Variants in EPS8L2 observed in about 807,000 individuals in gnomAD.
The protein encoded by EPS8L2 is EPS8 signaling adaptor L2.
A neutral mutation model predicts 99.4 loss-of-function variants in EPS8L2; 81 were observed. The ratio of observed to expected loss-of-function variants is 0.82; its 90% CI spans 0.68 to 0.98. EPS8L2 has a LOEUF of 0.98. Ranked by LOEUF, EPS8L2 falls within the 50% of genes least tolerant of loss-of-function variation. EPS8L2 has a pLI of 0.00. For synonymous variants in EPS8L2, 509 were observed against 407.3 expected, an observed-to-expected ratio of 1.25 and a Z score of -3.01; for missense variants, 1,155 against 968.8, an observed-to-expected ratio of 1.19 and a Z score of -2.55.
chr11:710,612 C>T (rs1160917255), intron 4 of EPS8L2, 126 bp downstream of exon 4: 1 of 959,880 alleles, frequency 1.0e-6, no homozygotes, highest in Non-Finnish European at 1.6e-6. Flanking sequence ...GCCTGTAGGC[C>T]CTGCTACTGG....
intron 9 of EPS8L2, 47 bp from the exon 10 acceptor site, chr11:721,518 G>T (rs769531279): frequency 1.3e-6 from 2 of 1,521,836 alleles, no homozygotes; most frequent in African/African-American, 1.4e-5. Context: ...GCAAGGCGGG[G>T]CGGTGGGGAG....
chr11:707,034 C>T (rs1421017320), intron 1 of EPS8L2, among the ~76,000 whole-genome samples: 1 of 151,934 alleles, frequency 6.6e-6, no homozygotes, highest in Non-Finnish European at 1.5e-5. Context: ...CGGGCATGCC[C>T]GGACCTCTGC....
chr11:724,702 C>T lies in EPS8L2; in HGVS notation c.1455-22C>T, dbSNP rs373082239. On this transcript the variant is annotated intron_variant, in intron 15 of 20. Coordinates refer to ENST00000318562, the MANE Select transcript of EPS8L2 (RefSeq NM_022772.4). This position sits in a 1 kb window ranked among gnomAD's most constrained non-coding sequence, Gnocchi z 5.5. ...AGGAGACCCCCACCAGACTGGGCCTCAGCCCCTCCTGTTCCTCACAGGGGC... is the reference window on the plus strand; with the variant it reads ...AGGAGACCCCCACCAGACTGGGCCTTAGCCCCTCCTGTTCCTCACAGGGGC... 2 of 1,580,218 alleles carry T rather than the reference C, an allele frequency of 1.3e-6. No homozygotes were observed. Among genetic ancestry groups the T allele is most frequent in the Non-Finnish European group, 1.7e-6 (2 of 1,150,312 alleles).
At chr11:718,416 T>C (rs1001743272) in intron 4 of EPS8L2, among the ~76,000 whole-genome samples, 4 of 151,928 alleles carry the variant, frequency 2.6e-5, no homozygotes, top group African/African-American at 9.7e-5. Context: ...GAGTTTCAAA[T>C]TGTAATTCTT....
chr11:709,295 G>A, intron 1 of EPS8L2, 35 bp from the exon 2 acceptor site: 2 of 1,295,524 alleles, frequency 1.5e-6, no homozygotes, highest in Non-Finnish European at 2.2e-6. Context: ...AGCCAGGCCG[G>A]AGGAAGTGTC....
chr11:720,150 A>G lies in EPS8L2; in HGVS notation c.254A>G (p.Glu85Gly), dbSNP rs1308471011. Reference sequence around the variant, plus strand: ...AAGCTGGTGCAGCTGAGCTCCAAGGAGAAGATCTGGACCCAGGAGATGCTG... The same window carrying G: ...AAGCTGGTGCAGCTGAGCTCCAAGGGGAAGATCTGGACCCAGGAGATGCTG... ...IRKLVQLSSK[E>G]KIWTQEMLLQ... is the part of the protein sequence containing the mutation. Residue 85 changes from glutamate to glycine, a missense_variant, in exon 5 of 21, where the codon GAG (glutamate) becomes GGG (glycine). Physicochemically the swap from Glu to Gly is moderately conservative, Grantham distance 98. Transcript: ENST00000318562. 6.2e-7 allele frequency: 1 copy of G among 1,613,472 alleles called. No individual in the cohort carries two copies. The highest frequency in any genetic ancestry group is 2.2e-5 in the East Asian group (1 of 44,866).
In EPS8L2 at chr11:720,816, G is replaced by A. The variant is rs1862138008; in HGVS notation, c.478-14G>A. The A allele has an allele frequency of 1.9e-6, 3 of 1,543,104 alleles. No individual in the cohort carries two copies. The highest frequency in any genetic ancestry group is 1.7e-6 in the Non-Finnish European group (2 of 1,145,702). On this transcript the variant is annotated splice_polypyrimidine_tract_variant and intron_variant, in intron 6 of 20. Coordinates refer to ENST00000318562, the MANE Select transcript of EPS8L2 (RefSeq NM_022772.4). ...CGCCCCGCCCTCCTGGCCGCCTGAC[G>A]CCCGCTTTCCCAGGCAGAGCTGGTG...
rs564425825 is a variant in EPS8L2, at chr11:711,824, A to C, written c.165+1338A>C. Among the ~76,000 whole-genome samples, 4 of 151,798 alleles carry C rather than the reference A, an allele frequency of 2.6e-5. No homozygotes were observed. The East Asian group carries it at 7.8e-4, about 30-fold the overall frequency. On this transcript the variant is annotated intron_variant, in intron 4 of 20. Coordinates refer to ENST00000318562, the MANE Select transcript of EPS8L2 (RefSeq NM_022772.4). ...CATGGCAAAACCTCATGTCTACTGA[A>C]AATACAAAATTAGCCAGGCGTCGTG...
rs756931416 is a variant in EPS8L2 at position 720,113 on chromosome 11, G to A, written c.217G>A (p.Asp73Asn). The A allele has an allele frequency of 2.5e-6, 4 of 1,613,356 alleles. No individual in the cohort carries two copies. The highest frequency in any genetic ancestry group is 1.1e-5 in the South Asian group (1 of 91,072). The change falls in exon 5 of 21, where the codon GAC (aspartate) becomes AAC (asparagine). Residue 73 changes from aspartate (D) to asparagine (N), a missense_variant. Asp to Asn is a conservative substitution (Grantham distance 23). Coordinates refer to ENST00000318562, the MANE Select transcript of EPS8L2 (RefSeq NM_022772.4). ...GAGCGAAGCCATCACGTCTGTGGAC[G>A]ACGCCATCCGGAAGCTGGTGCAGCT... Reference protein sequence around the residue: ...DKSEAITSVDDAIRKLVQLSS... With the variant: ...DKSEAITSVDNAIRKLVQLSS...
At chr11:720,316 G>T in intron 5 of EPS8L2, 93 bp downstream of exon 5, 4 of 1,372,562 alleles carry the variant, frequency 2.9e-6, no homozygotes, top group Non-Finnish European at 4.0e-6. Context: ...GGTCCTCTCT[G>T]CAGGGCCGGC....
rs1367146027 is a variant in EPS8L2, at chr11:724,712, T to C, written c.1455-12T>C. 1 of 1,602,858 alleles carries C rather than the reference T, an allele frequency of 6.2e-7. No homozygotes were observed. Among genetic ancestry groups the C allele is most frequent in the Non-Finnish European group, 8.5e-7 (1 of 1,170,782 alleles). ...CACCAGACTGGGCCTCAGCCCCTCC[T>C]GTTCCTCACAGGGGCTACCAGCCAA... is the stretch of plus-strand genomic sequence containing the variant. On this transcript the variant is annotated splice_polypyrimidine_tract_variant and intron_variant, in intron 15 of 20. Transcript: ENST00000318562. The surrounding 1 kb of genome is among the most constrained non-coding windows in gnomAD (Gnocchi z 5.5).
rs1469712875 is a variant in EPS8L2, at chr11:726,684, A to G, written c.2000A>G (p.Lys667Arg). Residue 667 changes from lysine to arginine, a missense_variant, in exon 20 of 21, where the codon AAG becomes AGG. Physicochemically the swap from Lys to Arg is conservative, Grantham distance 26 (BLOSUM62 2). Coordinates refer to ENST00000318562, the MANE Select transcript of EPS8L2 (RefSeq NM_022772.4). ...QLFSLNKEEL[K>R]KVCGEEGVRV... ...TTCTCCCTCAACAAGGAGGAGCTGAAGAAAGTGTGCGGCGAGGAGGGCGTC... is the reference window on the plus strand; with the variant it reads ...TTCTCCCTCAACAAGGAGGAGCTGAGGAAAGTGTGCGGCGAGGAGGGCGTC... 1 of 1,584,518 alleles carries G rather than the reference A, an allele frequency of 6.3e-7. No homozygotes were observed. The highest frequency in any genetic ancestry group is 2.3e-5 in the East Asian group (1 of 43,836).
In EPS8L2 at chr11:727,051, A is replaced by T; in HGVS notation, c.*70A>T. The T allele has an allele frequency of 9.4e-7, 1 of 1,067,946 alleles. No individual in the cohort carries two copies. The highest frequency in any genetic ancestry group is 1.4e-6 in the Non-Finnish European group (1 of 712,196). 66.2% of individuals were successfully genotyped at this position (1,067,946 alleles called of 1,614,324 possible). On this transcript the variant is annotated 3_prime_UTR_variant, in exon 21 of 21. Coordinates refer to ENST00000318562, the MANE Select transcript of EPS8L2 (RefSeq NM_022772.4). ...ACAATGCATGGAGTATTATTTTTAT[A>T]TGTGTATGTATTTTGTATCAAGGAC...
chr11:711,482 C>A (rs1430118362), intron 4 of EPS8L2, among the ~76,000 whole-genome samples: 1 of 151,970 alleles, frequency 6.6e-6, no homozygotes, highest in Non-Finnish European at 1.5e-5. Context: ...AGTAGCTGGG[C>A]CTACAGGCTG....
At position 722,088 on chromosome 11, in the gene EPS8L2, C is replaced by T. The variant is rs570291743; in HGVS notation, c.985-3C>T. On this transcript the variant is annotated splice_region_variant and splice_polypyrimidine_tract_variant and intron_variant, in intron 11 of 20. Coordinates refer to ENST00000318562, the MANE Select transcript of EPS8L2 (RefSeq NM_022772.4). ...GCACCTGCTCACTTGTTCCCACCCCCAGGCAAAGCTGCAGAAGCACATCCA... is the reference window on the plus strand; with the variant it reads ...GCACCTGCTCACTTGTTCCCACCCCTAGGCAAAGCTGCAGAAGCACATCCA... The T allele has an allele frequency of 1.2e-6, 2 of 1,613,108 alleles. No individual in the cohort carries two copies. Among genetic ancestry groups the T allele is most frequent in the African/African-American group, 1.3e-5 (1 of 75,052 alleles).
At chr11:712,234 C>T (rs188076223) in intron 4 of EPS8L2, among the ~76,000 whole-genome samples, 1 of 151,784 alleles carries the variant, frequency 6.6e-6, no homozygotes. Flanking sequence ...TGCAGTGAGC[C>T]GGGATTGCGC....
chr11:710,037 C>T (rs1210044513), intron 3 of EPS8L2: 2 of 347,094 alleles, frequency 5.8e-6, no homozygotes, highest in South Asian at 3.2e-5. Flanking sequence ...GGTGCCTAGT[C>T]TGGAAAGCGA....
chr11:713,310 C>T (rs1445475550), intron 4 of EPS8L2, among the ~76,000 whole-genome samples: 1 of 152,238 alleles, frequency 6.6e-6, no homozygotes, highest in African/African-American at 2.4e-5. Flanking sequence ...TCACTCCAAA[C>T]CTGTGAATCC....
At chr11:723,515 G>T (rs1862244950) in intron 15 of EPS8L2, among the ~76,000 whole-genome samples, 162 bp downstream of exon 15, 1 of 152,228 alleles carries the variant, frequency 6.6e-6, no homozygotes, top group South Asian at 2.1e-4. Context: ...TCAACTGCAT[G>T]ATATATAATT....
Sources: allele counts gnomAD v4.1 joint callset (sites outside exome capture counted in the v4.1 genomes callset), GRCh38; gene constraint gnomAD v4.1.1; non-coding constraint Gnocchi (gnomAD v3.1); transcripts MANE v1.5; gene names NCBI Gene and HGNC (gene_info 2026-07-23, HGNC 2026-07-21).